TTC6: variants seen among roughly 807,000 people sequenced by gnomAD.
TTC6 encodes the protein tetratricopeptide repeat protein 6.
TTC6 carries 172 observed loss-of-function variants against 210.4 expected under a neutral mutation model. That is an observed-to-expected ratio of 0.82 (90% CI 0.72 to 0.93). The LOEUF is 0.93. Among genes scored for constraint, TTC6 ranks in the 40% least tolerant of loss-of-function variants. The pLI, the probability that TTC6 is intolerant of heterozygous loss-of-function variation, is 0.00. For synonymous variants in TTC6, 804 were observed against 819.6 expected (o/e 0.98, Z 0.32); for missense variants, 2,414 against 2,318.1 (o/e 1.04, Z -0.85).
At chr14:37,841,394 C>T in intron 29 of TTC6, 51 bp from the exon 32 acceptor site, 1 of 1,480,798 alleles carries the variant, frequency 6.8e-7, no homozygotes, top group Non-Finnish European at 9.1e-7. Flanking sequence ...CTTCAAATTT[C>T]TGTATAGTAA....
chr14:37,724,163 A>C (rs2095867105), intron 6 of TTC6, among the ~76,000 whole-genome samples: 3 of 152,110 alleles, frequency 2.0e-5, no homozygotes, highest in African/African-American at 7.2e-5. Context: ...TTAAAATAAA[A>C]ATTTAAAAAT....
intron 1 of TTC6, among the ~76,000 whole-genome samples, chr14:37,648,996 C>T (rs939343895): frequency 6.6e-6 from 1 of 152,014 alleles, no homozygotes; most frequent in African/African-American, 2.4e-5. Flanking sequence ...TGGAGATCCA[C>T]ACCTCCCCAC....
intron 1 of TTC6, among the ~76,000 whole-genome samples, chr14:37,629,519 G>A (rs1359562546): frequency 1.3e-5 from 2 of 152,054 alleles, no homozygotes; most frequent in African/African-American, 4.8e-5. Context: ...GAGAGGATGG[G>A]GTTTTCTAAA....
Position 37,751,424 on chromosome 14 carries a change from A to G in TTC6, c.3129+199A>G, listed in dbSNP as rs545618083. 9.1e-4 allele frequency among the ~76,000 whole-genome samples: 139 copies of G among 152,284 alleles called. 1 individual carries two copies. The highest frequency in any genetic ancestry group is 3.2e-3 in the African/African-American group (135 of 41,546). On this transcript the variant is annotated intron_variant, in intron 13 of 30. Transcript: ENST00000553443. ...TTAATTATTATTTTTTAAATGGTGA[A>G]TGAATGAATTTACATCAGAATTGAG...
At chr14:37,766,137 A>G (rs2095998617) in intron 14 of TTC6, among the ~76,000 whole-genome samples, 1 of 152,182 alleles carries the variant, frequency 6.6e-6, no homozygotes, top group Non-Finnish European at 1.5e-5. Flanking sequence ...CATCCATTTT[A>G]AAAGTGTTAT....
chr14:37,658,082 C>G (rs2139449666), intron 1 of TTC6, among the ~76,000 whole-genome samples: 1 of 152,124 alleles, frequency 6.6e-6, no homozygotes, highest in East Asian at 1.9e-4. Context: ...TATTTAGGCA[C>G]TTATATAACA....
chr14:37,628,128 G>A (rs1485892893), intron 1 of TTC6, among the ~76,000 whole-genome samples: 1 of 152,058 alleles, frequency 6.6e-6, no homozygotes, highest in Non-Finnish European at 1.5e-5. Flanking sequence ...GTCCCACCAC[G>A]CCTGGCTAAC....
chr14:37,810,084 A>T (rs2096126688), intron 24 of TTC6, among the ~76,000 whole-genome samples: 1 of 152,250 alleles, frequency 6.6e-6, no homozygotes, highest in South Asian at 2.1e-4. Context: ...GTTGAGAAAC[A>T]TTGTCTCTAC....
chr14:37,705,460 A>G (rs1469713476), intron 5 of TTC6, among the ~76,000 whole-genome samples: 1 of 152,190 alleles, frequency 6.6e-6, no homozygotes, highest in Non-Finnish European at 1.5e-5. Context: ...ATTCTTAAAT[A>G]TGGGATTCCA....
intron 1 of TTC6, among the ~76,000 whole-genome samples, chr14:37,649,408 A>T (rs1314375939): frequency 6.6e-6 from 1 of 152,154 alleles, no homozygotes; most frequent in African/African-American, 2.4e-5. Context: ...ATAAGCCCCT[A>T]GCCCAGGGAC....
chr14:37,816,183 A>T (rs116360960), intron 25 of TTC6, among the ~76,000 whole-genome samples: 1 of 152,132 alleles, frequency 6.6e-6, no homozygotes, highest in Non-Finnish European at 1.5e-5. Flanking sequence ...TCTTGAATCA[A>T]TGTGGGGTGT....
exon 7 of TTC6, chr14:37,724,985 C>A: frequency 6.6e-7 from 1 of 1,517,938 alleles, no homozygotes; most frequent in Non-Finnish European, 8.8e-7. Flanking sequence ...GAAGGAAACT[C>A]TATATCCAAA....
chr14:37,610,739 T>C (rs1025527074), intron 2 of TTC6, among the ~76,000 whole-genome samples: 2 of 152,228 alleles, frequency 1.3e-5, no homozygotes, highest in African/African-American at 4.8e-5. Flanking sequence ...ACTTTTATGG[T>C]TATCACTTTC....
intron 1 of TTC6, among the ~76,000 whole-genome samples, chr14:37,625,473 GGGAGGC>G (rs1260613140): frequency 2.0e-5 from 3 of 151,676 alleles, no homozygotes; most frequent in Non-Finnish European, 2.9e-5. Flanking sequence ...TCTTGAACCC[GGGAGGC>G]GGAGGTTGCA....
intron 14 of TTC6, among the ~76,000 whole-genome samples, chr14:37,785,094 T>A (rs2096064471): frequency 1.3e-5 from 2 of 152,200 alleles, no homozygotes; most frequent in African/African-American, 2.4e-5. Context: ...CTGACAATTA[T>A]GTGTCTTGGA....
chr14:37,775,358 G>A (rs1450261711), intron 14 of TTC6, among the ~76,000 whole-genome samples: 1 of 152,128 alleles, frequency 6.6e-6, no homozygotes, highest in Admixed American at 6.5e-5. Flanking sequence ...TCTAATGTGG[G>A]CATTTAGTGC....
At chr14:37,740,071 G>T (rs12435119) in intron 10 of TTC6, among the ~76,000 whole-genome samples, 94,803 of 150,640 alleles carry the variant, frequency 0.63, 30,989 homozygotes, top group East Asian at 0.9. Context: ...GGCTGAGGCA[G>T]GAGAATGGCG....
intron 1 of TTC6, among the ~76,000 whole-genome samples, chr14:37,669,719 A>G (rs774000158): frequency 1.3e-4 from 20 of 152,312 alleles, no homozygotes; most frequent in Non-Finnish European, 2.4e-4. Context: ...ATCTGGAGGC[A>G]AGATTATTTA....
intron 14 of TTC6, among the ~76,000 whole-genome samples, chr14:37,762,585 G>A (rs1049166405): frequency 4.6e-5 from 7 of 151,826 alleles, no homozygotes; most frequent in Admixed American, 4.6e-4. Flanking sequence ...TATACCTGTT[G>A]GTCATTTATA....
Sources: allele counts gnomAD v4.1 joint callset (sites outside exome capture counted in the v4.1 genomes callset), GRCh38; gene constraint gnomAD v4.1.1; transcripts MANE v1.5; gene names NCBI Gene and HGNC (gene_info 2026-07-23, HGNC 2026-07-21).